The following GRAMD1B variants were observed in gnomAD, a reference collection of about 807,000 sequenced individuals.
GRAMD1B encodes protein Aster-B.
Under a neutral mutation model 99.7 loss-of-function variants are expected in GRAMD1B, and 37 were observed. The ratio of observed to expected loss-of-function variants is 0.37; its 90% CI spans 0.29 to 0.49. The LOEUF (loss-of-function observed/expected upper bound fraction) is 0.49. GRAMD1B is among the 20% of genes least tolerant of loss of function. The pLI is 0.98. For missense variants in GRAMD1B, 888 were observed against 1,009.2 expected (o/e 0.88, Z 1.63); for synonymous variants, 427 against 387.6 (o/e 1.10, Z -1.19).
chr11:123,437,486 C>T (rs1949214216), intron 1 of GRAMD1B, among the ~76,000 whole-genome samples: 1 of 152,172 alleles, frequency 6.6e-6, no homozygotes, highest in Non-Finnish European at 1.5e-5. Flanking sequence ...GCAGAAGCAC[C>T]TCTCTGCATC....
Position 123,606,924 on chromosome 11 carries a change from A to T in GRAMD1B, c.1513+126A>T, listed in dbSNP as rs561627617. 5 of 668,142 alleles carry T rather than the reference A, an allele frequency of 7.5e-6. No homozygotes were observed. In the South Asian group the frequency reaches 9.9e-5, roughly 13 times the overall value. The allele number at this position is 668,142 out of a possible 1,614,324, so 41.4% of individuals were successfully genotyped here. ...GGAGAGATGGGAGCAGAGCTTCCTT[A>T]ACAAAAGGTACCTGTTATTAGTTTA... On this transcript the variant is annotated intron_variant, in intron 11 of 19. Coordinates refer to ENST00000635736, the MANE Select transcript of GRAMD1B (RefSeq NM_001387025.1).
At position 123,444,765 on chromosome 11, in the gene GRAMD1B, C is replaced by T. The variant is rs58216644; in HGVS notation, c.374+13599C>T. Among the ~76,000 whole-genome samples, 1,024 of 152,228 alleles carry T rather than the reference C, an allele frequency of 6.7e-3. 13 individuals are homozygous for T. The highest frequency in any genetic ancestry group is 0.023 in the African/African-American group (948 of 41,522). ...CACCCTCCCAGCACCTGCACGAGTT[C>T]AGCAACCCAGAAGCTCAGCAAAGCT... On this transcript the variant is annotated intron_variant, in intron 1 of 19. Coordinates refer to ENST00000635736, the MANE Select transcript of GRAMD1B (RefSeq NM_001387025.1).
At chr11:123,590,791 G>C in intron 4 of GRAMD1B, among the ~76,000 whole-genome samples, 1 of 152,210 alleles carries the variant, frequency 6.6e-6, no homozygotes, top group Non-Finnish European at 1.5e-5. Flanking sequence ...CAGGGTAGAG[G>C]TTGATTAAAC....
At chr11:123,606,857 G>A (rs1289356462) in intron 11 of GRAMD1B, 59 bp downstream of exon 11, 2 of 1,346,844 alleles carry the variant, frequency 1.5e-6, no homozygotes, top group Non-Finnish European at 1.0e-6. Flanking sequence ...GCTAAAAGGA[G>A]ATCTCTATGT....
chr11:123,586,898 C>T (rs992003474), intron 4 of GRAMD1B, among the ~76,000 whole-genome samples: 3 of 152,362 alleles, frequency 2.0e-5, no homozygotes, highest in Admixed American at 1.3e-4. Context: ...GAGGCTCATT[C>T]GTTACACTAG....
chr11:123,524,512 T>A (rs937187208), intron 2 of GRAMD1B, among the ~76,000 whole-genome samples: 1 of 151,918 alleles, frequency 6.6e-6, no homozygotes, highest in Non-Finnish European at 1.5e-5. Flanking sequence ...AGCTAAATTT[T>A]GTATTTTTAG....
chr11:123,471,886 C>T (rs950872363), intron 1 of GRAMD1B, among the ~76,000 whole-genome samples: 4 of 152,172 alleles, frequency 2.6e-5, no homozygotes, highest in African/African-American at 9.7e-5. Flanking sequence ...CATAGTAAAG[C>T]TCCTGAATTT....
At chr11:123,448,838 C>G (rs1949754272) in intron 1 of GRAMD1B, among the ~76,000 whole-genome samples, 1 of 152,212 alleles carries the variant, frequency 6.6e-6, no homozygotes. Context: ...ATCACCATAG[C>G]CGGCTCTCAC....
intron 15 of GRAMD1B, 45 bp from the exon 16 acceptor site, chr11:123,613,410 G>C: frequency 7.3e-7 from 1 of 1,366,032 alleles, no homozygotes; most frequent in Non-Finnish European, 1.0e-6. Flanking sequence ...AGTTGCATTG[G>C]AGGGCTGAAG....
chr11:123,457,096 A>T (rs779536570), intron 1 of GRAMD1B, among the ~76,000 whole-genome samples: 5 of 149,388 alleles, frequency 3.3e-5, no homozygotes, highest in Admixed American at 6.7e-5. Flanking sequence ...TGGGTGACAG[A>T]GAGAGACCCT....
chr11:123,490,884 C>T (rs1938480007), intron 2 of GRAMD1B, among the ~76,000 whole-genome samples: 1 of 152,098 alleles, frequency 6.6e-6, no homozygotes, highest in Middle Eastern at 3.4e-3. Flanking sequence ...GGTAGGAAGG[C>T]GAGGAGGTTA....
At chr11:123,543,391 C>G (rs1370355062) in intron 2 of GRAMD1B, among the ~76,000 whole-genome samples, 1 of 152,158 alleles carries the variant, frequency 6.6e-6, no homozygotes, top group Non-Finnish European at 1.5e-5. Context: ...CCTCTGTGGC[C>G]AGGGAAGTTG....
intron 1 of GRAMD1B, chr11:123,435,374 T>C (rs764604695): frequency 2.9e-6 from 2 of 695,366 alleles, no homozygotes; most frequent in South Asian, 1.5e-5. Flanking sequence ...TTTTGTTTTT[T>C]CATTATTTGT....
chr11:123,531,020 G>T (rs1383184912), intron 2 of GRAMD1B, among the ~76,000 whole-genome samples: 1 of 152,234 alleles, frequency 6.6e-6, no homozygotes, highest in African/African-American at 2.4e-5. Context: ...CCACAGTCCT[G>T]ATAGAGCAGG....
In GRAMD1B at chr11:123,548,313, T is replaced by TACACACACAC. The variant is rs1322567746; in HGVS notation, c.453-29053_453-29052insCACACACACA. ...CAAAATATATATATATATATATATA[T>TACACACACAC]ATATATATATATACACACACACACA... On this transcript the variant is annotated intron_variant, in intron 2 of 19. Transcript: ENST00000635736. Among the ~76,000 whole-genome samples, 11 of 85,482 alleles carry TACACACACAC rather than the reference T, an allele frequency of 1.3e-4. No individual in the cohort carries two copies. The East Asian group carries it at 1.8e-3, about 14-fold the overall frequency. 56.1% of individuals were successfully genotyped at this position (85,482 alleles called of 152,430 possible).
chr11:123,476,695 A>G (rs1442610055), intron 1 of GRAMD1B, among the ~76,000 whole-genome samples: 1 of 152,106 alleles, frequency 6.6e-6, no homozygotes, highest in Non-Finnish European at 1.5e-5. Flanking sequence ...TGCTGGAGAG[A>G]CCTTGTCCTG....
intron 1 of GRAMD1B, among the ~76,000 whole-genome samples, chr11:123,371,802 A>ATGATTTGTCTATCCT (rs1354985998): frequency 6.6e-6 from 1 of 152,154 alleles, no homozygotes; most frequent in African/African-American, 2.4e-5. Context: ...AGAGTTCTCC[A>ATGATTTGTCTATCCT]TGATTTGTCT....
chr11:123,364,745 C>T (rs572135827), intron 1 of GRAMD1B, among the ~76,000 whole-genome samples: 2 of 152,222 alleles, frequency 1.3e-5, no homozygotes, highest in East Asian at 1.9e-4. Context: ...AGTGGCAGCC[C>T]TACAAGCTGA....
chr11:123,493,692 C>T (rs1246829266), intron 2 of GRAMD1B, among the ~76,000 whole-genome samples: 1 of 152,190 alleles, frequency 6.6e-6, no homozygotes, highest in African/African-American at 2.4e-5. Context: ...GAAGAGGGTC[C>T]CATCTCAGAA....
Sources: gnomAD v4.1 joint callset for allele counts (sites outside exome capture counted in the v4.1 genomes callset) on GRCh38, gnomAD v4.1.1 for gene constraint, MANE v1.5 for transcripts, NCBI Gene and HGNC (gene_info 2026-07-23, HGNC 2026-07-21) for gene names.